The following TRPS1 variants were observed in gnomAD, a reference collection of about 807,000 sequenced individuals.
TRPS1 encodes the protein transcriptional repressor GATA binding 1.
A neutral mutation model predicts 101.2 loss-of-function variants in TRPS1; 6 were observed. The ratio of observed to expected loss-of-function variants is 0.06; its 90% CI spans 0.03 to 0.12. TRPS1 has a LOEUF of 0.12. Among genes scored for constraint, TRPS1 ranks in the 10% least tolerant of loss-of-function variants. The pLI is 1.00. For synonymous variants in TRPS1, 578 were observed against 589.8 expected, an observed-to-expected ratio of 0.98 and a Z score of 0.29; for missense variants, 1,363 against 1,567.0, an observed-to-expected ratio of 0.87 and a Z score of 2.20.
chr8:115,535,139 C>CAT (rs1816254916), intron 5 of TRPS1, among the ~76,000 whole-genome samples: 1 of 145,492 alleles, frequency 6.9e-6, no homozygotes, highest in Non-Finnish European at 1.5e-5. Flanking sequence ...ATATATATAG[C>CAT]ATATATATAG....
At chr8:115,457,491 C>T (rs1204311462) in intron 5 of TRPS1, among the ~76,000 whole-genome samples, 1 of 151,994 alleles carries the variant, frequency 6.6e-6, no homozygotes, top group African/African-American at 2.4e-5. Context: ...TTAATGGGTT[C>T]AGAGTTTCAG....
At chr8:115,461,282 TAGATAGATAGATAGATAG>T (rs60752850) in intron 5 of TRPS1, among the ~76,000 whole-genome samples, 47,750 of 114,508 alleles carry the variant, frequency 0.42, 8,957 homozygotes, top group East Asian at 0.69. Flanking sequence ...GATAGATAGA[TAGATAGATAGATAGATAG>T]ACAGATACAT....
At chr8:115,531,624 T>A (rs1035039118) in intron 5 of TRPS1, among the ~76,000 whole-genome samples, 102 of 152,024 alleles carry the variant, frequency 6.7e-4, no homozygotes, top group African/African-American at 2.4e-3. Flanking sequence ...GGAAAGAAGG[T>A]GGAGTACCCT....
intron 5 of TRPS1, among the ~76,000 whole-genome samples, chr8:115,574,912 A>C (rs1199277420): frequency 6.6e-6 from 1 of 152,116 alleles, no homozygotes; most frequent in East Asian, 1.9e-4. Context: ...TTCCACTATA[A>C]TAATGTTTAA....
intron 5 of TRPS1, among the ~76,000 whole-genome samples, chr8:115,557,314 C>G (rs140266079): frequency 6.6e-6 from 1 of 152,230 alleles, no homozygotes; most frequent in Non-Finnish European, 1.5e-5. Context: ...TCATATGTCT[C>G]AAACTCAAAA....
rs1812796326 is a variant in TRPS1, at chr8:115,411,811, A to C, written c.*2212T>G. ...TCTCTTTTCTCTTTTTTTAATATGC[A>C]AACAAAAAAATGCAAAAATGAAAAT... On this transcript the variant is annotated 3_prime_UTR_variant, in exon 7 of 7. Transcript: ENST00000395715. The C allele has an allele frequency of 1.3e-5, 2 of 152,126 alleles. No individual in the cohort carries two copies. Among genetic ancestry groups the C allele is most frequent in the African/African-American group, 4.8e-5 (2 of 41,422 alleles). 9.4% of individuals were successfully genotyped at this position (152,126 alleles called of 1,614,324 possible).
chr8:115,489,317 C>T (rs576321760), intron 5 of TRPS1, among the ~76,000 whole-genome samples: 1 of 152,260 alleles, frequency 6.6e-6, no homozygotes, highest in South Asian at 2.1e-4. Context: ...AAGACTGGGA[C>T]TGAATCCCAA....
Position 115,414,032 on chromosome 8 carries a change from A to G in TRPS1, c.3876T>C (p.Pro1292=). The part of the protein sequence containing the change: ...NNAQVEKNGK[P]KE ...GCTAAGTGCTAAGGTTTTACTCTTTAGGTTTTCCATTTTTTTCCACTTGTG... is the reference window on the plus strand; with the variant it reads ...GCTAAGTGCTAAGGTTTTACTCTTTGGGTTTTCCATTTTTTTCCACTTGTG... Residue 1292 remains proline, a synonymous_variant, in exon 7 of 7, where the codon CCT becomes CCC. Coordinates refer to ENST00000395715, the MANE Select transcript of TRPS1 (RefSeq NM_014112.5). The surrounding 1 kb of genome is among the most constrained non-coding windows in gnomAD (Gnocchi z 4.8). The G allele has an allele frequency of 1.2e-6, 2 of 1,613,582 alleles. No individual in the cohort carries two copies. Among genetic ancestry groups the G allele is most frequent in the Non-Finnish European group, 1.7e-6 (2 of 1,179,730 alleles).
At chr8:115,577,070 T>C (rs1817335532) in intron 5 of TRPS1, among the ~76,000 whole-genome samples, 1 of 152,164 alleles carries the variant, frequency 6.6e-6, no homozygotes, top group South Asian at 2.1e-4. Flanking sequence ...TCCTAAAATA[T>C]AGCCAGTATT....
chr8:115,595,195 T>G (rs1468709802), intron 4 of TRPS1, among the ~76,000 whole-genome samples: 1 of 151,968 alleles, frequency 6.6e-6, no homozygotes, highest in Non-Finnish European at 1.5e-5. Context: ...TTAAATGTAG[T>G]TCAAGTAGGT....
chr8:115,544,585 C>G (rs1044399564), intron 5 of TRPS1, among the ~76,000 whole-genome samples: 2 of 152,154 alleles, frequency 1.3e-5, no homozygotes, highest in Non-Finnish European at 2.9e-5. Context: ...AGACATCCAG[C>G]AGCCTAAGAA....
At chr8:115,625,307 C>T in intron 1 of TRPS1, among the ~76,000 whole-genome samples, 1 of 151,946 alleles carries the variant, frequency 6.6e-6, no homozygotes, top group East Asian at 1.9e-4. Context: ...AGTCCTTTTG[C>T]TTCTCTGAGC....
chr8:115,510,168 T>C (rs867486422), intron 5 of TRPS1, among the ~76,000 whole-genome samples: 1 of 151,984 alleles, frequency 6.6e-6, no homozygotes, highest in Non-Finnish European at 1.5e-5. Context: ...ATCCCACTTA[T>C]CTTAGGCTCA....
chr8:115,587,506 T>C lies in TRPS1; in HGVS notation c.2195A>G (p.Gln732Arg), dbSNP rs1034246554. ...TTCGCCGTTGGCTGTAGTGATGTCC[T>C]GTTCCTGGCAGTGAACAGTGTTGAA... ...EHFNTVHCQEQDITTANGEED... is the reference protein window; with the variant it reads ...EHFNTVHCQERDITTANGEED... The change falls in exon 5 of 7, where the codon CAG becomes CGG. Residue 732 changes from glutamine (Q) to arginine (R), a missense_variant. This residue lies in a region of TRPS1 where 1,020 missense variants were observed against 1,073.0 expected (regional missense o/e 0.95). Coordinates refer to ENST00000395715, the MANE Select transcript of TRPS1 (RefSeq NM_014112.5). The C allele has an allele frequency of 1.7e-5, 27 of 1,614,082 alleles. No individual in the cohort carries two copies. Among genetic ancestry groups the C allele is most frequent in the Non-Finnish European group, 2.2e-5 (26 of 1,180,032 alleles).
chr8:115,415,989 A>AT (rs961736102), intron 6 of TRPS1, among the ~76,000 whole-genome samples: 108 of 150,526 alleles, frequency 7.2e-4, no homozygotes, highest in African/African-American at 2.1e-3. Context: ...ATAGAGAGGG[A>AT]TTTTTTTTTT....
chr8:115,644,899 C>T (rs1818987282), intron 1 of TRPS1, among the ~76,000 whole-genome samples: 1 of 152,080 alleles, frequency 6.6e-6, no homozygotes, highest in Non-Finnish European at 1.5e-5. Context: ...CAGTGGAGCA[C>T]TCAAAACAAA....
At chr8:115,565,509 T>C (rs1161117574) in intron 5 of TRPS1, among the ~76,000 whole-genome samples, 1 of 151,310 alleles carries the variant, frequency 6.6e-6, no homozygotes, top group African/African-American at 2.4e-5. Flanking sequence ...TTTTCTTTAT[T>C]ACTAAACATA....
chr8:115,660,663 C>T lies in TRPS1; in HGVS notation c.-122+7882G>A, dbSNP rs75458695. Among the ~76,000 whole-genome samples, 224 of 151,584 alleles carry T rather than the reference C, an allele frequency of 1.5e-3. 5 individuals carry two copies. The East Asian group carries it at 0.039, about 27-fold the overall frequency. On this transcript the variant is annotated intron_variant, in intron 1 of 6. Transcript: ENST00000395715. The stretch of plus-strand genomic sequence containing the variant: ...TAAACTGTAAATACTTGTATATTTC[C>T]TTCTAACACTATCTAGTATATTAGA...
At chr8:115,515,033 A>G (rs1815677226) in intron 5 of TRPS1, among the ~76,000 whole-genome samples, 1 of 151,704 alleles carries the variant, frequency 6.6e-6, no homozygotes, top group African/African-American at 2.4e-5. Context: ...CATACTTAAG[A>G]TAATTAAGAT....
Sources: allele counts gnomAD v4.1 joint callset (sites outside exome capture counted in the v4.1 genomes callset), GRCh38; gene constraint gnomAD v4.1.1; regional missense constraint gnomAD v4.1.1; non-coding constraint Gnocchi (gnomAD v3.1); transcripts MANE v1.5; gene names NCBI Gene and HGNC (gene_info 2026-07-23, HGNC 2026-07-21).